RBPJ: variants seen among roughly 807,000 people sequenced by gnomAD.
RBPJ encodes recombining binding protein suppressor of hairless.
In RBPJ, 9 loss-of-function variants were observed where a neutral mutation model predicts 67.8. The ratio of observed to expected loss-of-function variants is 0.13; its 90% CI spans 0.08 to 0.23. The LOEUF (loss-of-function observed/expected upper bound fraction) is 0.23, where lower values mean the gene tolerates loss of function less well. Among genes scored for constraint, RBPJ ranks in the 10% least tolerant of loss-of-function variants. RBPJ has a pLI of 1.00. For synonymous variants in RBPJ, 198 were observed against 203.3 expected, an observed-to-expected ratio of 0.97 and a Z score of 0.22; for missense variants, 305 against 595.6, an observed-to-expected ratio of 0.51 and a Z score of 5.08.
At chr4:26,386,605 C>A (rs1417914854) in intron 2 of RBPJ, among the ~76,000 whole-genome samples, 1 of 152,128 alleles carries the variant, frequency 6.6e-6, no homozygotes, top group Non-Finnish European at 1.5e-5. Context: ...GAAAATGAAA[C>A]CTTTCTTAGA....
chr4:26,309,865 A>G (rs1722367494), intron 1 of RBPJ, among the ~76,000 whole-genome samples: 2 of 152,188 alleles, frequency 1.3e-5, no homozygotes, highest in South Asian at 4.1e-4. Context: ...TCTATCAATC[A>G]CACATGGAAA....
intron 1 of RBPJ, among the ~76,000 whole-genome samples, chr4:26,212,432 C>CTT (rs370447105): frequency 1.1e-3 from 124 of 112,214 alleles, no homozygotes; most frequent in African/African-American, 1.8e-3. Context: ...CTTTTCTTTT[C>CTT]TTTTTTTTTT....
the RBPJ span, among the ~76,000 whole-genome samples, chr4:26,150,970 A>C: frequency 6.6e-6 from 1 of 152,218 alleles, no homozygotes; most frequent in Admixed American, 6.5e-5. Flanking sequence ...ATATACTGAC[A>C]ATGGAAAACA....
chr4:26,165,895 T>A (rs1197945685), intron 1 of RBPJ, among the ~76,000 whole-genome samples: 15 of 130,228 alleles, frequency 1.2e-4, no homozygotes, highest in African/African-American at 4.6e-4. Context: ...GTCCCCAGAG[T>A]GTGATGTTCC....
intron 1 of RBPJ, among the ~76,000 whole-genome samples, chr4:26,235,705 C>T (rs149823551): frequency 2.5e-4 from 38 of 152,346 alleles, no homozygotes; most frequent in African/African-American, 8.2e-4. Flanking sequence ...GCCAGGCTTG[C>T]CTGCTCCCAG....
At chr4:26,193,167 C>G (rs1361755460) in intron 1 of RBPJ, among the ~76,000 whole-genome samples, 4 of 152,184 alleles carry the variant, frequency 2.6e-5, no homozygotes, top group Non-Finnish European at 5.9e-5. Context: ...ACCTCCCAAA[C>G]TGTAAAATAA....
the RBPJ span, among the ~76,000 whole-genome samples, chr4:26,145,574 C>A: frequency 6.6e-6 from 1 of 152,290 alleles, no homozygotes; most frequent in South Asian, 2.1e-4. Flanking sequence ...GAGGCAGGGA[C>A]AATTTTTGTC....
the RBPJ span, among the ~76,000 whole-genome samples, chr4:26,127,543 A>T: frequency 1.3e-5 from 2 of 152,194 alleles, no homozygotes; most frequent in Admixed American, 1.3e-4. Context: ...ACCAATAAAC[A>T]ATTGTAATGT....
At chr4:26,241,289 A>G (rs954939305) in intron 1 of RBPJ, among the ~76,000 whole-genome samples, 5 of 152,158 alleles carry the variant, frequency 3.3e-5, no homozygotes, top group Non-Finnish European at 7.3e-5. Flanking sequence ...CTGTTAGCCA[A>G]GTTAGTGCTG....
Position 26,363,292 on chromosome 4 carries a change from A to G in RBPJ, c.21-23061A>G, listed in dbSNP as rs371725459. 5.9e-5 allele frequency among the ~76,000 whole-genome samples: 9 copies of G among 152,024 alleles called. No homozygotes were observed. In the East Asian group the frequency reaches 1.5e-3, roughly 26 times the overall value. ...GTAGCTGGAACTATAGGCACTCACC[A>G]CTATACCTGGCTAGTTTTCGTATTT... On this transcript the variant is annotated intron_variant, in intron 1 of 10. Transcript: ENST00000355476.
At chr4:26,294,836 A>G (rs896715600) in intron 1 of RBPJ, among the ~76,000 whole-genome samples, 5 of 151,742 alleles carry the variant, frequency 3.3e-5, no homozygotes, top group Non-Finnish European at 7.4e-5. Context: ...AGATCGCGCC[A>G]TTGCACTCCA....
rs375341581 is a variant in RBPJ at position 26,221,983 on chromosome 4, A to T, written c.-167+58369A>T. Among the ~76,000 whole-genome samples, 19 of 152,028 alleles carry T rather than the reference A, an allele frequency of 1.2e-4. 1 individual carries two copies. Among genetic ancestry groups the T allele is most frequent in the Admixed American group, 9.8e-4 (15 of 15,266 alleles). On this transcript the variant is annotated intron_variant, in intron 1 of 4. Coordinates refer to the RBPJ transcript ENST00000512351. ...GGCAGGAGTGAGGAGACGAACTGAG[A>T]GGTGCTAATGGGTAGCAATTTCTAG...
chr4:26,145,936 G>T, the RBPJ span, among the ~76,000 whole-genome samples: 1 of 150,122 alleles, frequency 6.7e-6, no homozygotes, highest in East Asian at 1.9e-4. Context: ...TCAATTTTTT[G>T]TTTGTTTGTT....
the RBPJ span, among the ~76,000 whole-genome samples, chr4:26,118,581 G>A: frequency 2.6e-5 from 4 of 152,344 alleles, no homozygotes; most frequent in East Asian, 3.9e-4. Flanking sequence ...CAGAGGTCCT[G>A]GGGAACAGAG....
intron 1 of RBPJ, among the ~76,000 whole-genome samples, chr4:26,338,502 G>T (rs1397915813): frequency 6.6e-6 from 1 of 151,102 alleles, no homozygotes; most frequent in Non-Finnish European, 1.5e-5. Flanking sequence ...TTAAAAATCG[G>T]TGTATCTCTT....
chr4:26,345,942 C>G (rs987224765), intron 1 of RBPJ, among the ~76,000 whole-genome samples: 2 of 152,052 alleles, frequency 1.3e-5, no homozygotes, highest in African/African-American at 4.8e-5. Flanking sequence ...TATAATGAAG[C>G]TTTTTTGGAG....
intron 1 of RBPJ, among the ~76,000 whole-genome samples, chr4:26,368,298 TC>T (rs1409972913): frequency 8.5e-5 from 13 of 152,208 alleles, no homozygotes; most frequent in Admixed American, 2.6e-4. Context: ...TTCCCCCTAT[TC>T]CACATTAACC....
At chr4:26,388,272 T>C (rs1452126228) in intron 2 of RBPJ, among the ~76,000 whole-genome samples, 2 of 152,164 alleles carry the variant, frequency 1.3e-5, no homozygotes, top group African/African-American at 4.8e-5. Flanking sequence ...AATGCTGGGA[T>C]TACAGGTGTG....
the RBPJ span, among the ~76,000 whole-genome samples, chr4:26,155,486 G>A: frequency 1.1e-4 from 17 of 149,112 alleles, no homozygotes; most frequent in African/African-American, 3.9e-4. Flanking sequence ...CCAGGCTGGA[G>A]TGCAGTGGCA....
Sources: gnomAD v4.1 joint callset for allele counts (sites outside exome capture counted in the v4.1 genomes callset) on GRCh38, gnomAD v4.1.1 for gene constraint, MANE v1.5 for transcripts, NCBI Gene and HGNC (gene_info 2026-07-23, HGNC 2026-07-21) for gene names.